The following MCF2L2 variants were observed in gnomAD, a reference collection of about 807,000 sequenced individuals.
The protein encoded by MCF2L2 is probable guanine nucleotide exchange factor MCF2L2.
A neutral mutation model predicts 150.2 loss-of-function variants in MCF2L2; 102 were observed. The observed-to-expected ratio is 0.68, with a 90% CI of 0.58 to 0.80. The LOEUF (loss-of-function observed/expected upper bound fraction) is 0.80, where lower values mean the gene tolerates loss of function less well. Ranked by LOEUF, MCF2L2 falls within the 30% of genes least tolerant of loss-of-function variation. The pLI is 0.00. For missense variants in MCF2L2, 1,256 were observed against 1,372.8 expected (o/e 0.91, Z 1.34); for synonymous variants, 465 against 491.3 (o/e 0.95, Z 0.71).
At chr3:183,365,917 C>A (rs1367086842) in intron 3 of MCF2L2, among the ~76,000 whole-genome samples, 2 of 151,640 alleles carry the variant, frequency 1.3e-5, no homozygotes, top group East Asian at 1.9e-4. Flanking sequence ...AAATAAAAAT[C>A]AAAAACTCAA....
chr3:183,317,656 C>T (rs973622849), intron 7 of MCF2L2, among the ~76,000 whole-genome samples: 2 of 151,786 alleles, frequency 1.3e-5, no homozygotes, highest in Admixed American at 6.6e-5. Flanking sequence ...AAAGCTTATA[C>T]TTCAAAAGCC....
At position 183,229,638 on chromosome 3, in the gene MCF2L2, C is replaced by A. The variant is rs776114230; in HGVS notation, c.2045+28G>T. 2.0e-5 allele frequency: 21 copies of A among 1,051,764 alleles called. No homozygotes were observed. The Admixed American group carries it at 4.3e-4, about 21-fold the overall frequency. The allele number at this position is 1,051,764 out of a possible 1,614,324, so 65.2% of individuals were successfully genotyped here. On this transcript the variant is annotated intron_variant, in intron 17 of 29. Transcript: ENST00000328913. ...TTCCACCCTTCTCTTACTCTCCATT[C>A]TTTCTGATAACATGAATTATTATAT...
intron 14 of MCF2L2, among the ~76,000 whole-genome samples, chr3:183,284,674 C>G (rs1727690754): frequency 6.6e-6 from 1 of 151,396 alleles, no homozygotes; most frequent in Non-Finnish European, 1.5e-5. Flanking sequence ...GGCACTCCAG[C>G]TTGGGCAACA....
In MCF2L2 at chr3:183,184,237, C is replaced by T. The variant is rs150036250; in HGVS notation, c.3017-4078G>A. ...TTCACCATATTGGTCAGGCTGGTCT[C>T]GAACTCTTGATCTCAGGTGATCCAC... On this transcript the variant is annotated intron_variant, in intron 27 of 29. Coordinates refer to ENST00000328913, the MANE Select transcript of MCF2L2 (RefSeq NM_015078.4). 2.9e-3 allele frequency among the ~76,000 whole-genome samples: 440 copies of T among 152,280 alleles called. 2 individuals carry two copies. Among genetic ancestry groups the T allele is most frequent in the African/African-American group, 0.01 (418 of 41,556 alleles).
At chr3:183,301,030 A>AG (rs1728819657) in intron 10 of MCF2L2, among the ~76,000 whole-genome samples, 2 of 150,720 alleles carry the variant, frequency 1.3e-5, no homozygotes, top group African/African-American at 4.9e-5. Context: ...AAAAAAAAAA[A>AG]AAAAAAAGAA....
intron 3 of MCF2L2, among the ~76,000 whole-genome samples, chr3:183,348,845 A>G (rs147896888): frequency 3.3e-5 from 5 of 152,356 alleles, no homozygotes; most frequent in South Asian, 2.1e-4. Flanking sequence ...TAAGCGTACA[A>G]TAACATTGCC....
intron 2 of MCF2L2, among the ~76,000 whole-genome samples, chr3:183,381,223 C>T (rs1239005600): frequency 6.6e-6 from 1 of 152,186 alleles, no homozygotes; most frequent in East Asian, 1.9e-4. Flanking sequence ...ATCTGAGACA[C>T]ACATATCAGT....
At chr3:183,203,115 A>C (rs890374015) in intron 25 of MCF2L2, among the ~76,000 whole-genome samples, 4 of 152,208 alleles carry the variant, frequency 2.6e-5, no homozygotes, top group African/African-American at 9.6e-5. Flanking sequence ...CGGGAGGCTG[A>C]GGCAGAAGAA....
intron 1 of MCF2L2, among the ~76,000 whole-genome samples, chr3:183,412,279 G>A (rs1393570930): frequency 6.8e-6 from 1 of 146,154 alleles, no homozygotes; most frequent in Non-Finnish European, 1.5e-5. Context: ...CTAATTGTTT[G>A]TTTGTTTGTT....
At position 183,270,631 on chromosome 3, in the gene MCF2L2, G is replaced by A; in HGVS notation, c.1862+6241C>T. On this transcript the variant is annotated intron_variant, in intron 15 of 29. Coordinates refer to ENST00000328913, the MANE Select transcript of MCF2L2 (RefSeq NM_015078.4). The surrounding 1 kb of genome is among the most constrained non-coding windows in gnomAD (Gnocchi z 4.5). ...GAGGCATCACAGACACTAAATTCAA[G>A]TCTTTACATAGACGATGTGTTCATG... 1 of 1,614,140 alleles carries A rather than the reference G, an allele frequency of 6.2e-7. No individual in the cohort carries two copies. Among genetic ancestry groups the A allele is most frequent in the Non-Finnish European group, 8.5e-7 (1 of 1,180,024 alleles).
chr3:183,391,943 A>G (rs1021718351), intron 1 of MCF2L2, among the ~76,000 whole-genome samples: 3 of 152,128 alleles, frequency 2.0e-5, no homozygotes, highest in African/African-American at 4.8e-5. Flanking sequence ...ACTAGAGTGC[A>G]GTGGCATAAT....
intron 19 of MCF2L2, 79 bp from the exon 20 acceptor site, chr3:183,223,517 A>C: frequency 1.8e-6 from 2 of 1,088,022 alleles, no homozygotes; most frequent in Non-Finnish European, 2.8e-6. Flanking sequence ...TTAGGTACAA[A>C]ACACAAAATT....
At chr3:183,382,240 G>A (rs931980686) in intron 2 of MCF2L2, among the ~76,000 whole-genome samples, 5 of 152,028 alleles carry the variant, frequency 3.3e-5, no homozygotes, top group African/African-American at 1.2e-4. Flanking sequence ...TGTATTTTTA[G>A]TAGAGACGGG....
chr3:183,309,806 TTCC>T lies in MCF2L2; in HGVS notation c.1020_1022del (p.Glu342del). On this transcript the variant is annotated inframe_deletion, in exon 10 of 30. Coordinates refer to ENST00000328913, the MANE Select transcript of MCF2L2 (RefSeq NM_015078.4). ...CAATGCCTGTAAACTCTGCTTGCTC[TTCC>T]AGCAAATTATCCAGGGCAAGCTTAG... The T allele has an allele frequency of 6.2e-7, 1 of 1,613,992 alleles. No homozygotes were observed. The highest frequency in any genetic ancestry group is 8.5e-7 in the Non-Finnish European group (1 of 1,180,012).
rs1490297540 is a variant in MCF2L2, at chr3:183,227,031, G to A, written c.2115+1266C>T. 6.6e-6 allele frequency: 1 copy of A among 152,166 alleles called. No individual in the cohort carries two copies. The highest frequency in any genetic ancestry group is 1.5e-5 in the Non-Finnish European group (1 of 68,040). The allele number at this position is 152,166 out of a possible 1,614,324, so 9.4% of individuals were successfully genotyped here. ...ATCTTGAAACCTGGAGGCTTTGTTT[G>A]CTTCCAGTTATCATAAGTATTGCTC... On this transcript the variant is annotated intron_variant, in intron 18 of 29. Transcript: ENST00000328913. The surrounding 1 kb of genome is among the most constrained non-coding windows in gnomAD (Gnocchi z 4.0).
intron 3 of MCF2L2, among the ~76,000 whole-genome samples, chr3:183,351,190 G>A (rs4859172): frequency 1.4e-3 from 53 of 38,836 alleles, no homozygotes; most frequent in African/African-American, 2.3e-3. Context: ...ATTTTCTTAA[G>A]TATATATATA....
At chr3:183,309,303 A>T (rs752289148) in intron 10 of MCF2L2, among the ~76,000 whole-genome samples, 1 of 151,188 alleles carries the variant, frequency 6.6e-6, no homozygotes, top group South Asian at 2.1e-4. Context: ...AAAGTTTCCC[A>T]TCCTTACTAC....
At chr3:183,418,040 T>C (rs73184995) in intron 1 of MCF2L2, among the ~76,000 whole-genome samples, 12,889 of 152,024 alleles carry the variant, frequency 0.085, 572 homozygotes, top group African/African-American at 0.095. Context: ...ATACAAAAAT[T>C]TGCTGAGTGT....
chr3:183,360,048 G>A (rs1361820479), intron 3 of MCF2L2, among the ~76,000 whole-genome samples: 1 of 152,180 alleles, frequency 6.6e-6, no homozygotes. Flanking sequence ...GAATCAAGCC[G>A]ATTGTGATAA....
Sources: gnomAD v4.1 joint callset for allele counts (sites outside exome capture counted in the v4.1 genomes callset) on GRCh38, gnomAD v4.1.1 for gene constraint, Gnocchi (gnomAD v3.1) non-coding constraint, MANE v1.5 for transcripts, NCBI Gene and HGNC (gene_info 2026-07-23, HGNC 2026-07-21) for gene names.